Variants in DAB1 observed in about 807,000 individuals in gnomAD.
DAB1 encodes the protein DAB adaptor protein 1.
DAB1 carries 15 observed loss-of-function variants against 64.6 expected under a neutral mutation model. That is an observed-to-expected ratio of 0.23 (90% CI 0.16 to 0.36). The LOEUF (loss-of-function observed/expected upper bound fraction) is 0.36. Ranked by LOEUF, DAB1 falls within the 10% of genes least tolerant of loss-of-function variation. The pLI, the probability that DAB1 is intolerant of heterozygous loss-of-function variation, is 1.00. For missense variants in DAB1, 596 were observed against 706.7 expected, an observed-to-expected ratio of 0.84 and a Z score of 1.78; for synonymous variants, 235 against 251.9, an observed-to-expected ratio of 0.93 and a Z score of 0.64.
At chr1:58,514,545 T>C (rs1314877821) in intron 2 of DAB1, among the ~76,000 whole-genome samples, 2 of 152,112 alleles carry the variant, frequency 1.3e-5, no homozygotes, top group African/African-American at 4.8e-5. Context: ...ACTGAATGAA[T>C]CTGAATCTTT....
intron 7 of DAB1, among the ~76,000 whole-genome samples, chr1:57,491,077 T>C (rs531095723): frequency 3.3e-5 from 5 of 152,332 alleles, no homozygotes; most frequent in African/African-American, 9.6e-5. Context: ...CTCTATGAAT[T>C]TGTAACTCAT....
chr1:58,542,496 A>G (rs1646637979), intron 1 of DAB1: 1 of 152,228 alleles, frequency 6.6e-6, no homozygotes, highest in African/African-American at 2.4e-5. Context: ...ATGCATTCTT[A>G]AAAAGACATC....
At chr1:57,139,887 C>T (rs950105113) in intron 3 of DAB1, among the ~76,000 whole-genome samples, 2 of 152,046 alleles carry the variant, frequency 1.3e-5, no homozygotes, top group Non-Finnish European at 2.9e-5. Context: ...CTGATGGTGA[C>T]TTTACATGAC....
intron 7 of DAB1, among the ~76,000 whole-genome samples, chr1:57,528,717 G>A (rs546113588): frequency 1.3e-5 from 2 of 151,458 alleles, no homozygotes; most frequent in East Asian, 1.9e-4. Context: ...AAGATAAACA[G>A]AAGACTTCTC....
At chr1:57,764,954 G>T (rs536918504) in intron 6 of DAB1, among the ~76,000 whole-genome samples, 1 of 152,260 alleles carries the variant, frequency 6.6e-6, no homozygotes, top group East Asian at 1.9e-4. Context: ...AAGTTATTTA[G>T]CCAAACCAGA....
At chr1:57,233,896 G>GA in intron 2 of DAB1, among the ~76,000 whole-genome samples, 1 of 152,260 alleles carries the variant, frequency 6.6e-6, no homozygotes, top group Non-Finnish European at 1.5e-5. Context: ...TTCATAAACT[G>GA]AAAGCTGTCA....
intron 6 of DAB1, among the ~76,000 whole-genome samples, chr1:57,735,968 G>C (rs1647672874): frequency 6.6e-6 from 1 of 151,996 alleles, no homozygotes; most frequent in Non-Finnish European, 1.5e-5. Flanking sequence ...TTCTCAGAGG[G>C]ACCTTCCAAG....
At chr1:57,508,175 C>T (rs183016301) in intron 7 of DAB1, among the ~76,000 whole-genome samples, 53 of 152,270 alleles carry the variant, frequency 3.5e-4, no homozygotes, top group African/African-American at 1.0e-3. Flanking sequence ...CAACTTTCCC[C>T]GAACATTCCA....
At chr1:58,059,729 C>T (rs1447771491) in intron 5 of DAB1, among the ~76,000 whole-genome samples, 3 of 152,220 alleles carry the variant, frequency 2.0e-5, no homozygotes, top group African/African-American at 7.2e-5. Context: ...GCTTTATATG[C>T]TTGCCATTTT....
At chr1:58,257,862 T>C (rs1282695185) in intron 4 of DAB1, among the ~76,000 whole-genome samples, 1 of 152,196 alleles carries the variant, frequency 6.6e-6, no homozygotes, top group East Asian at 1.9e-4. Flanking sequence ...CATCTGGAGC[T>C]AGGAATGTAA....
chr1:57,214,910 C>CAAAAAAAAAAAAAAAAAAAAAAA (rs56175448), intron 2 of DAB1, among the ~76,000 whole-genome samples: 1 of 58,756 alleles, frequency 1.7e-5, no homozygotes, highest in African/African-American at 7.1e-5. Context: ...GATTCCCTCT[C>CAAAAAAAAAAAAAAAAAAAAAAA]AAAAAAAAAA....
rs989583072 is a variant in DAB1 at position 57,057,782 on chromosome 1, G to C, written c.723+5102C>G. Among the ~76,000 whole-genome samples, 10 of 39,814 alleles carry C rather than the reference G, an allele frequency of 2.5e-4. No individual in the cohort carries two copies. In the South Asian group the frequency reaches 3.1e-3, roughly 12 times the overall value. 26.1% of individuals were successfully genotyped at this position (39,814 alleles called of 152,430 possible). On this transcript the variant is annotated intron_variant, in intron 9 of 14. Coordinates refer to ENST00000371236, the MANE Select transcript of DAB1 (RefSeq NM_001365792.1). ...GCCACCATGCCTGGCTAATTTTTTT[G>C]TATTTTTAGTAGAGACGGGGTTTCA...
chr1:57,791,364 C>A (rs776765016), intron 6 of DAB1, among the ~76,000 whole-genome samples: 2 of 152,146 alleles, frequency 1.3e-5, no homozygotes, highest in Non-Finnish European at 2.9e-5. Context: ...ATTCCTACTT[C>A]TACTTTTACT....
At chr1:57,218,531 A>T (rs1051838217) in intron 2 of DAB1, among the ~76,000 whole-genome samples, 6 of 150,570 alleles carry the variant, frequency 4.0e-5, no homozygotes, top group African/African-American at 1.5e-4. Flanking sequence ...AAAAAAAAAA[A>T]AAAAAAAAAA....
chr1:57,972,107 A>T (rs1645810876), intron 5 of DAB1, among the ~76,000 whole-genome samples: 1 of 152,250 alleles, frequency 6.6e-6, no homozygotes, highest in African/African-American at 2.4e-5. Context: ...GTACATATTT[A>T]TTCAAAAGCA....
intron 14 of DAB1, among the ~76,000 whole-genome samples, chr1:57,007,500 G>C (rs1190342836): frequency 6.6e-6 from 1 of 152,138 alleles, no homozygotes; most frequent in Non-Finnish European, 1.5e-5. Context: ...GATTCTCCCA[G>C]ATGGGAGGGT....
At chr1:57,933,787 T>A (rs1177563262) in intron 5 of DAB1, among the ~76,000 whole-genome samples, 1 of 152,198 alleles carries the variant, frequency 6.6e-6, no homozygotes, top group Non-Finnish European at 1.5e-5. Flanking sequence ...CCCAGTTTTA[T>A]AAGAAACTAA....
intron 6 of DAB1, among the ~76,000 whole-genome samples, chr1:57,781,186 T>G (rs1429162434): frequency 3.0e-5 from 4 of 135,176 alleles, no homozygotes; most frequent in Non-Finnish European, 4.7e-5. Flanking sequence ...GCCTAATTAC[T>G]TTTTCAGTTT....
chr1:57,213,629 G>T (rs1289818210), intron 2 of DAB1, among the ~76,000 whole-genome samples: 4 of 152,122 alleles, frequency 2.6e-5, no homozygotes, highest in Admixed American at 2.6e-4. Flanking sequence ...TTCTCCTTAG[G>T]TGAAGAATTA....
Sources: gnomAD v4.1 joint callset for allele counts (sites outside exome capture counted in the v4.1 genomes callset) on GRCh38, gnomAD v4.1.1 for gene constraint, MANE v1.5 for transcripts, NCBI Gene and HGNC (gene_info 2026-07-23, HGNC 2026-07-21) for gene names.